KCNJ18: variants seen among roughly 807,000 people sequenced by gnomAD.
KCNJ18 encodes the protein potassium inwardly rectifying channel subfamily J member 18, also known as inward rectifier potassium channel 18.
Under a neutral mutation model 17.3 loss-of-function variants are expected in KCNJ18, and 16 were observed. That is an observed-to-expected ratio of 0.92 (90% confidence interval 0.62 to 1.40). KCNJ18 has a LOEUF of 1.40. Among genes scored for constraint, KCNJ18 ranks in the 40% most tolerant of loss-of-function variants. KCNJ18 has a pLI of 0.00. For synonymous variants in KCNJ18, 185 were observed against 262.6 expected, an observed-to-expected ratio of 0.70 and a Z score of 2.86; for missense variants, 462 against 626.8, an observed-to-expected ratio of 0.74 and a Z score of 2.81.
chr17:21,696,469 C>G (rs1282842368), intron 2 of KCNJ18, among the ~76,000 whole-genome samples: 1,776 of 152,140 alleles, frequency 0.012, 43 homozygotes, highest in African/African-American at 0.04. Context: ...TTCAATCACT[C>G]TTCCACCCAT....
chr17:21,696,888 A>G (rs1905774664), intron 2 of KCNJ18, among the ~76,000 whole-genome samples: 1 of 152,072 alleles, frequency 6.6e-6, no homozygotes, highest in African/African-American at 2.4e-5. Flanking sequence ...CAAAGGTTCC[A>G]GCGCAAGTAG....
chr17:21,703,583 C>G lies in KCNJ18; in HGVS notation c.797C>G (p.Ser266Trp), dbSNP rs1159229233. ...DKGLDRIFLV[S>W]PITILHEIDE... ...GGCCTGGACCGCATCTTTCTGGTGT[C>G]GCCCATCACCATCTTGCATGAAATT... The change falls in exon 3 of 3, where the codon TCG (serine) becomes TGG (tryptophan). Residue 266 changes from serine (S) to tryptophan (W), a missense_variant. Transcript: ENST00000567955. 1 of 1,612,716 alleles carries G rather than the reference C, an allele frequency of 6.2e-7. No homozygotes were observed. The highest frequency in any genetic ancestry group is 8.5e-7 in the Non-Finnish European group (1 of 1,179,454).
intron 2 of KCNJ18, among the ~76,000 whole-genome samples, chr17:21,700,096 C>T (rs1207396874): frequency 7.8e-6 from 1 of 127,844 alleles, no homozygotes; most frequent in East Asian, 2.3e-4. Context: ...CCTCAGGGGT[C>T]CCCCCTGCCG....
At chr17:21,694,062 T>G (rs1304090331) in intron 1 of KCNJ18, among the ~76,000 whole-genome samples, 2 of 152,228 alleles carry the variant, frequency 1.3e-5, no homozygotes, top group South Asian at 2.1e-4. Context: ...ACACAGCTTA[T>G]GAGGGGCAGA....
chr17:21,693,219 C>T (rs1205775056), intron 1 of KCNJ18, among the ~76,000 whole-genome samples: 640 of 152,402 alleles, frequency 4.2e-3, no homozygotes, highest in African/African-American at 0.015. Flanking sequence ...GGAAGGCTGG[C>T]TCCTGTTTGC....
intron 2 of KCNJ18, 31 bp from the exon 3 acceptor site, chr17:21,702,700 C>A: frequency 6.9e-7 from 1 of 1,452,892 alleles, no homozygotes; most frequent in East Asian, 2.5e-5. Context: ...AGCCACCAGC[C>A]CAGCCAGACA....
In KCNJ18 at chr17:21,703,540, G is replaced by A. The variant is rs1442997426; in HGVS notation, c.754G>A (p.Asp252Asn). 3,127 of 1,609,714 alleles carry A rather than the reference G, an allele frequency of 1.9e-3. No homozygotes were observed. The highest frequency in any genetic ancestry group is 1.8e-3 in the Middle Eastern group (11 of 6,062). Residue 252 changes from aspartate (D) to asparagine (N), a missense_variant, in exon 3 of 3, where the codon GAT becomes AAT. This residue lies in a region of KCNJ18 where 27 missense variants were observed against 119.2 expected (regional missense o/e 0.23). Transcript: ENST00000567955. ...CATCCCGCTGGACCAGATCGACATCGATGTGGGCTTCGACAAGGGCCTGGA... is the reference window on the plus strand; with the variant it reads ...CATCCCGCTGGACCAGATCGACATCAATGTGGGCTTCGACAAGGGCCTGGA... ...EYIPLDQIDI[D>N]VGFDKGLDRI... is the part of the protein sequence containing the mutation.
chr17:21,697,716 C>T (rs1385571180), intron 2 of KCNJ18, among the ~76,000 whole-genome samples: 14 of 152,422 alleles, frequency 9.2e-5, no homozygotes, highest in Non-Finnish European at 1.9e-4. Flanking sequence ...AGCCCTGCCT[C>T]TCACACCCTA....
Position 21,704,007 on chromosome 17 carries a change from G to A in KCNJ18, c.1221G>A (p.Gln407=). 1 of 1,594,762 alleles carries A rather than the reference G, an allele frequency of 6.3e-7. No individual in the cohort carries two copies. The highest frequency in any genetic ancestry group is 2.2e-5 in the East Asian group (1 of 44,598). ...DGRSRDGLSP[Q]ARHDFDRLQA... Reference sequence around the variant, plus strand: ...GAAGCCGGGATGGCCTCAGCCCCCAGGCCAGGCATGACTTTGACAGACTCC... The same window carrying A: ...GAAGCCGGGATGGCCTCAGCCCCCAAGCCAGGCATGACTTTGACAGACTCC... Residue 407 remains glutamine (Q), a synonymous_variant, in exon 3 of 3, where the codon CAG becomes CAA. Coordinates refer to ENST00000567955, the MANE Select transcript of KCNJ18 (RefSeq NM_001194958.2).
chr17:21,695,244 C>G (rs1243978141), intron 1 of KCNJ18, among the ~76,000 whole-genome samples: 27 of 22,526 alleles, frequency 1.2e-3, no homozygotes, highest in Non-Finnish European at 1.9e-3. Context: ...ATTATCCATT[C>G]ATCCACTCAT....
Position 21,693,192 on chromosome 17 carries a change from C to G in KCNJ18, c.-179+478C>G, listed in dbSNP as rs1371471192. ...CTGTGGCCCCTGCAGGTGGCGGGAG[C>G]TCTGGCCAGGGCATCCGGAAGGCTG... On this transcript the variant is annotated intron_variant, in intron 1 of 2. Coordinates refer to ENST00000567955, the MANE Select transcript of KCNJ18 (RefSeq NM_001194958.2). Among the ~76,000 whole-genome samples, 5 of 152,426 alleles carry G rather than the reference C, an allele frequency of 3.3e-5. No homozygotes were observed. The East Asian group carries it at 7.7e-4, about 23-fold the overall frequency.
At position 21,704,260 on chromosome 17, in the gene KCNJ18, G is replaced by T. The variant is rs1906089727; in HGVS notation, c.*172G>T. 1 of 839,214 alleles carries T rather than the reference G, an allele frequency of 1.2e-6. No individual in the cohort carries two copies. Among genetic ancestry groups the T allele is most frequent in the African/African-American group, 1.7e-5 (1 of 58,408 alleles). The allele number at this position is 839,214 out of a possible 1,614,324, so 52.0% of individuals were successfully genotyped here. A position where few individuals can be genotyped will look rare whatever the true frequency, so the allele number is the denominator to read the frequency against. On this transcript the variant is annotated 3_prime_UTR_variant, in exon 3 of 3. Coordinates refer to ENST00000567955, the MANE Select transcript of KCNJ18 (RefSeq NM_001194958.2). ...GGCCTCAGAAGGTTGGCCGGAGAGG[G>T]GGCAGCCAGAGCGGCAGCCCCCGGC... is the stretch of plus-strand genomic sequence containing the variant.
chr17:21,703,883 A>G lies in KCNJ18; in HGVS notation c.1097A>G (p.Lys366Arg), dbSNP rs527236159. 6.2e-7 allele frequency: 1 copy of G among 1,612,854 alleles called. No individual in the cohort carries two copies. Among genetic ancestry groups the G allele is most frequent in the Non-Finnish European group, 8.5e-7 (1 of 1,180,024 alleles). Residue 366 changes from lysine (K) to arginine (R), a missense_variant, in exon 3 of 3, where the codon AAG becomes AGG. Lys to Arg is a conservative substitution (Grantham distance 26). Around this residue, in one of 5 missense-constraint regions of KCNJ18, gnomAD observed 123 missense variants for 117.5 expected, o/e 1.05. Transcript: ENST00000567955. Reference sequence around the variant, plus strand: ...AGTGCGAAGGATCTGGTAGAGAACAAGTTCCTGCTGCCCAGTGCCAACTCC... The same window carrying G: ...AGTGCGAAGGATCTGGTAGAGAACAGGTTCCTGCTGCCCAGTGCCAACTCC... ...RCSAKDLVEN[K>R]FLLPSANSFC...
chr17:21,694,061 A>T (rs1905685758), intron 1 of KCNJ18, among the ~76,000 whole-genome samples: 1 of 152,138 alleles, frequency 6.6e-6, no homozygotes, highest in Non-Finnish European at 1.5e-5. Context: ...CACACAGCTT[A>T]TGAGGGGCAG....
At chr17:21,694,240 C>T (rs1211049956) in intron 1 of KCNJ18, among the ~76,000 whole-genome samples, 10 of 152,154 alleles carry the variant, frequency 6.6e-5, no homozygotes, top group Non-Finnish European at 1.3e-4. Flanking sequence ...CCCATGAACT[C>T]CATGGCTGGG....
rs1420311082 is a variant in KCNJ18 at position 21,702,864 on chromosome 17, G to C, written c.78G>C (p.Ser26=). The C allele has an allele frequency of 5.5e-5, 88 of 1,599,778 alleles. No homozygotes were observed. The South Asian group carries it at 8.2e-4, about 15-fold the overall frequency. Residue 26 remains serine (S), a synonymous_variant, in exon 3 of 3, where the codon TCG becomes TCC. Transcript: ENST00000567955. ...ACGGGCTGCACCTGGTCACCATGTC[G>C]GGCGCCAACGGCTTCGGCAACGGCA... ...EEDGLHLVTM[S]GANGFGNGKV...
At chr17:21,694,804 C>G (rs1299002089) in intron 1 of KCNJ18, among the ~76,000 whole-genome samples, 1 of 152,222 alleles carries the variant, frequency 6.6e-6, no homozygotes, top group Non-Finnish European at 1.5e-5. Context: ...CATCACCCAA[C>G]ATTCCATCCA....
In KCNJ18 at chr17:21,702,783, C is replaced by G; in HGVS notation, c.-4C>G. 1.3e-6 allele frequency: 2 copies of G among 1,579,958 alleles called. No individual in the cohort carries two copies. Among genetic ancestry groups the G allele is most frequent in the East Asian group, 2.3e-5 (1 of 43,134 alleles). The stretch of plus-strand genomic sequence containing the variant: ...GGGTGAGCCAGGGTCCCCCAACCCC[C>G]GGGATGACCGCGGCCAGCCGGGCCA... On this transcript the variant is annotated 5_prime_UTR_variant, in exon 3 of 3. Transcript: ENST00000567955.
In KCNJ18 at chr17:21,702,779, C is replaced by A. The variant is rs1209621427; in HGVS notation, c.-8C>A. The A allele has an allele frequency of 1.3e-6, 2 of 1,577,388 alleles. No individual in the cohort carries two copies. Among genetic ancestry groups the A allele is most frequent in the East Asian group, 2.3e-5 (1 of 43,030 alleles). On this transcript the variant is annotated 5_prime_UTR_variant, in exon 3 of 3. Coordinates refer to ENST00000567955, the MANE Select transcript of KCNJ18 (RefSeq NM_001194958.2). ...CTGGGGGTGAGCCAGGGTCCCCCAA[C>A]CCCCGGGATGACCGCGGCCAGCCGG...
Sources: gnomAD v4.1 joint callset for allele counts (sites outside exome capture counted in the v4.1 genomes callset) on GRCh38, gnomAD v4.1.1 for gene constraint, gnomAD v4.1.1 regional missense constraint, MANE v1.5 for transcripts, NCBI Gene and HGNC (gene_info 2026-07-23, HGNC 2026-07-21) for gene names.